The following TBC1D5 variants were observed in gnomAD, a reference collection of about 807,000 sequenced individuals.
TBC1D5 encodes TBC1 domain family member 5, also known as TBC1 domain family, member 5.
In TBC1D5, 75 loss-of-function variants were observed where a neutral mutation model predicts 100.3. The ratio of observed to expected loss-of-function variants is 0.75; its 90% CI spans 0.62 to 0.91. The LOEUF is 0.91. Among genes scored for constraint, TBC1D5 ranks in the 40% least tolerant of loss-of-function variants. TBC1D5 has a pLI of 0.00. For missense variants in TBC1D5, 910 were observed against 942.4 expected, an observed-to-expected ratio of 0.97 and a Z score of 0.45; for synonymous variants, 323 against 325.6, an observed-to-expected ratio of 0.99 and a Z score of 0.09.
At chr3:17,481,775 G>A (rs1158667407) in intron 3 of TBC1D5, among the ~76,000 whole-genome samples, 3 of 151,996 alleles carry the variant, frequency 2.0e-5, no homozygotes, top group South Asian at 2.1e-4. Context: ...CGCTCTTGTC[G>A]CCCAGGATGG....
intron 3 of TBC1D5, among the ~76,000 whole-genome samples, chr3:17,460,262 A>G (rs1362171880): frequency 6.6e-6 from 1 of 152,216 alleles, no homozygotes; most frequent in African/African-American, 2.4e-5. Context: ...CAGAAGAGAA[A>G]TTGATAAGGA....
chr3:17,695,890 C>A (rs193288328), intron 1 of TBC1D5, among the ~76,000 whole-genome samples: 135 of 152,296 alleles, frequency 8.9e-4, no homozygotes, highest in African/African-American at 3.2e-3. Flanking sequence ...TAAATCACAA[C>A]AAACTGTCTC....
intron 1 of TBC1D5, among the ~76,000 whole-genome samples, chr3:17,628,015 A>C (rs137994478): frequency 1.2e-3 from 181 of 152,252 alleles, no homozygotes; most frequent in African/African-American, 4.2e-3. Flanking sequence ...TATTTCCTAA[A>C]TGCTATAAAA....
rs1348038536 is a variant in TBC1D5, at chr3:17,706,323, A to G, written c.-101+33020T>C. 3.5e-6 allele frequency: 5 copies of G among 1,422,706 alleles called. No individual in the cohort carries two copies. In the African/African-American group the frequency reaches 5.8e-5, roughly 16 times the overall value. 88.1% of individuals were successfully genotyped at this position (1,422,706 alleles called of 1,614,324 possible). A position where few individuals can be genotyped will look rare whatever the true frequency, so the allele number is the denominator to read the frequency against. ...CCTTTTCTGTTCAAACCAGAACTGT[A>G]TACCTTTGTGAAAGAGCACATATTT... On this transcript the variant is annotated intron_variant, in intron 1 of 21. Coordinates refer to ENST00000253692, the Ensembl canonical transcript of TBC1D5.
exon 22 of TBC1D5, chr3:17,160,058 G>T (rs1175231077): frequency 6.6e-6 from 1 of 152,186 alleles, no homozygotes; most frequent in Non-Finnish European, 1.5e-5. Flanking sequence ...CTGACTGTCT[G>T]AAAGATGTTT....
chr3:17,656,202 A>G (rs1395874622), intron 1 of TBC1D5, among the ~76,000 whole-genome samples: 3 of 152,192 alleles, frequency 2.0e-5, no homozygotes, highest in African/African-American at 7.2e-5. Context: ...CATGGCTGCT[A>G]GCTGTATACC....
At chr3:17,290,403 C>T (rs933829378) in intron 15 of TBC1D5, among the ~76,000 whole-genome samples, 2 of 152,082 alleles carry the variant, frequency 1.3e-5, no homozygotes, top group Admixed American at 1.3e-4. Context: ...GAAACATCAA[C>T]CATATTTAGC....
intron 8 of TBC1D5, among the ~76,000 whole-genome samples, chr3:17,393,873 AG>A (rs1478712834): frequency 6.6e-6 from 1 of 152,194 alleles, no homozygotes; most frequent in Non-Finnish European, 1.5e-5. Context: ...TAAAAACCCT[AG>A]AAGAAAACCT....
chr3:17,380,239 T>C (rs763987290), intron 9 of TBC1D5, among the ~76,000 whole-genome samples: 3 of 152,026 alleles, frequency 2.0e-5, no homozygotes, highest in Non-Finnish European at 4.4e-5. Flanking sequence ...TAAATCATAT[T>C]TCAAATTAAT....
At chr3:17,504,312 C>T (rs2095820252) in intron 3 of TBC1D5, among the ~76,000 whole-genome samples, 1 of 144,982 alleles carries the variant, frequency 6.9e-6, no homozygotes, top group Non-Finnish European at 1.5e-5. Context: ...GGAGAGATAG[C>T]ATTGGGAGAT....
At chr3:17,682,102 A>T (rs2069569390) in intron 1 of TBC1D5, among the ~76,000 whole-genome samples, 1 of 151,324 alleles carries the variant, frequency 6.6e-6, no homozygotes, top group Non-Finnish European at 1.5e-5. Context: ...GGTGCCAAAA[A>T]GGTTGGGAAC....
At chr3:17,563,035 C>T (rs575847108) in intron 2 of TBC1D5, among the ~76,000 whole-genome samples, 4 of 152,248 alleles carry the variant, frequency 2.6e-5, no homozygotes, top group African/African-American at 9.6e-5. Context: ...AAGTCCTAAA[C>T]AAATCCGTAA....
At chr3:17,529,821 G>A (rs1018705607) in intron 2 of TBC1D5, among the ~76,000 whole-genome samples, 1 of 151,870 alleles carries the variant, frequency 6.6e-6, no homozygotes, top group Non-Finnish European at 1.5e-5. Flanking sequence ...ATACTTGTGG[G>A]AAAAACGTGA....
At chr3:17,177,715 C>G (rs1409399166) in intron 19 of TBC1D5, among the ~76,000 whole-genome samples, 1 of 152,156 alleles carries the variant, frequency 6.6e-6, no homozygotes, top group Non-Finnish European at 1.5e-5. Flanking sequence ...CATCGGAATC[C>G]TATTGAGATG....
intron 16 of TBC1D5, among the ~76,000 whole-genome samples, chr3:17,239,558 G>A (rs546581354): frequency 7.9e-5 from 12 of 152,216 alleles, no homozygotes; most frequent in Admixed American, 1.3e-4. Flanking sequence ...TCCAGCTGTG[G>A]CCTATTTGCC....
chr3:17,224,670 G>A (rs1463813010), intron 17 of TBC1D5, among the ~76,000 whole-genome samples: 1 of 152,122 alleles, frequency 6.6e-6, no homozygotes, highest in African/African-American at 2.4e-5. Flanking sequence ...GTAATGATAT[G>A]TCTGGGAGAA....
intron 13 of TBC1D5, among the ~76,000 whole-genome samples, chr3:17,315,637 A>G (rs2084602635): frequency 6.6e-6 from 1 of 152,264 alleles, no homozygotes; most frequent in African/African-American, 2.4e-5. Context: ...TCTGTGATGT[A>G]GTGGTGGAAG....
chr3:17,337,219 A>AATG, intron 13 of TBC1D5, among the ~76,000 whole-genome samples: 2 of 149,208 alleles, frequency 1.3e-5, no homozygotes, highest in Middle Eastern at 3.4e-3. Flanking sequence ...TTATATTTCT[A>AATG]ATGAGCTCCC....
intron 15 of TBC1D5, among the ~76,000 whole-genome samples, chr3:17,277,750 A>C (rs1001309834): frequency 2.0e-5 from 3 of 152,208 alleles, no homozygotes; most frequent in African/African-American, 7.2e-5. Context: ...GGAATCTGCA[A>C]GAAAGGCAAG....
Sources: allele counts gnomAD v4.1 joint callset (sites outside exome capture counted in the v4.1 genomes callset), GRCh38; gene constraint gnomAD v4.1.1; transcripts MANE v1.5; gene names NCBI Gene and HGNC (gene_info 2026-07-23, HGNC 2026-07-21).